RGS20: variants seen among roughly 807,000 people sequenced by gnomAD.
The protein encoded by RGS20 is regulator of G protein signaling 20, also known as gz-selective GTPase-activating protein.
Under a neutral mutation model 33.6 loss-of-function variants are expected in RGS20, and 30 were observed. The ratio of observed to expected loss-of-function variants is 0.89; its 90% confidence interval spans 0.67 to 1.21. The LOEUF (loss-of-function observed/expected upper bound fraction) is 1.21. Among genes scored for constraint, RGS20 ranks in the 50% most tolerant of loss-of-function variants. The pLI is 0.00. For synonymous variants in RGS20, 208 were observed against 197.9 expected (o/e 1.05, Z -0.43); for missense variants, 472 against 502.4 (o/e 0.94, Z 0.58).
intron 2 of RGS20, among the ~76,000 whole-genome samples, chr8:53,902,596 T>A (rs1813060851): frequency 6.6e-6 from 1 of 152,358 alleles, no homozygotes; most frequent in Non-Finnish European, 1.5e-5. Flanking sequence ...TGTGTGGGGA[T>A]GTGCATGCCA....
At chr8:53,958,211 T>A in intron 5 of RGS20, 59 bp from the exon 5 acceptor site, 4 of 1,209,148 alleles carry the variant, frequency 3.3e-6, no homozygotes, top group Non-Finnish European at 3.4e-6. Flanking sequence ...GCTCTAGGAG[T>A]TTGGGATAGA....
chr8:53,935,659 C>T (rs1410816620), intron 2 of RGS20, among the ~76,000 whole-genome samples: 2 of 152,084 alleles, frequency 1.3e-5, no homozygotes, highest in Non-Finnish European at 2.9e-5. Flanking sequence ...AGATTCACAG[C>T]CTAATTCTAC....
At chr8:53,922,188 A>C (rs907894532) in intron 2 of RGS20, among the ~76,000 whole-genome samples, 4 of 152,086 alleles carry the variant, frequency 2.6e-5, no homozygotes, top group Non-Finnish European at 5.9e-5. Context: ...TGGTTCTGTT[A>C]TTGGGTGTAT....
chr8:53,898,980 A>G (rs1812940233), intron 2 of RGS20, among the ~76,000 whole-genome samples: 1 of 152,146 alleles, frequency 6.6e-6, no homozygotes, highest in Admixed American at 6.5e-5. Context: ...CAGGGAAACT[A>G]TTTTCATGGC....
At chr8:53,917,892 T>C (rs958061657) in intron 2 of RGS20, among the ~76,000 whole-genome samples, 1 of 152,204 alleles carries the variant, frequency 6.6e-6, no homozygotes, top group African/African-American at 2.4e-5. Flanking sequence ...CTCCGTTCTC[T>C]CTCCCTGCTC....
intron 2 of RGS20, among the ~76,000 whole-genome samples, chr8:53,923,924 C>T (rs987179209): frequency 6.6e-6 from 1 of 151,902 alleles, no homozygotes; most frequent in Admixed American, 6.6e-5. Context: ...AGCATCGCAA[C>T]TTTTATTTTT....
chr8:53,903,460 C>A (rs1446472130), intron 2 of RGS20, among the ~76,000 whole-genome samples: 1 of 152,180 alleles, frequency 6.6e-6, no homozygotes, highest in African/African-American at 2.4e-5. Context: ...TATAGCTGCA[C>A]CCCAGCCAGC....
At chr8:53,852,182 C>G (rs1256503792) in intron 1 of RGS20, 31 of 1,009,094 alleles carry the variant, frequency 3.1e-5, no homozygotes, top group Non-Finnish European at 4.3e-5. Flanking sequence ...AATGTTTTAT[C>G]AAAAATGTTT....
intron 1 of RGS20, among the ~76,000 whole-genome samples, chr8:53,868,813 G>T (rs1811985668): frequency 6.6e-6 from 1 of 151,890 alleles, no homozygotes; most frequent in Non-Finnish European, 1.5e-5. Context: ...AGTGCAGTGG[G>T]GCGATCTCAA....
intron 1 of RGS20, among the ~76,000 whole-genome samples, chr8:53,874,698 G>A (rs1362175721): frequency 2.6e-5 from 4 of 152,250 alleles, no homozygotes; most frequent in African/African-American, 9.6e-5. Context: ...TCAATCTCTG[G>A]CATTTCTTGG....
intron 2 of RGS20, among the ~76,000 whole-genome samples, chr8:53,934,374 A>G (rs946178573): frequency 6.6e-6 from 1 of 152,232 alleles, no homozygotes; most frequent in Non-Finnish European, 1.5e-5. Context: ...TCTCACGTGC[A>G]GAGACACACA....
In RGS20 at chr8:53,930,638, G is replaced by A. The variant is rs745438174; in HGVS notation, c.511-8938G>A. 7.9e-5 allele frequency among the ~76,000 whole-genome samples: 12 copies of A among 152,092 alleles called. No individual in the cohort carries two copies. In the East Asian group the frequency reaches 1.4e-3, roughly 17 times the overall value. The stretch of plus-strand genomic sequence containing the variant: ...TCAGTTCACTGCAACCTCTGCCTCC[G>A]GGGTTCAAGTGATTCTCCTGCCTCA... On this transcript the variant is annotated intron_variant, in intron 2 of 5. Coordinates refer to ENST00000297313, the MANE Select transcript of RGS20 (RefSeq NM_170587.4).
chr8:53,859,779 T>C (rs78369195), intron 1 of RGS20, among the ~76,000 whole-genome samples: 1 of 152,174 alleles, frequency 6.6e-6, no homozygotes, highest in Non-Finnish European at 1.5e-5. Flanking sequence ...AGCAAAGGCA[T>C]GTCTTACATG....
intron 2 of RGS20, among the ~76,000 whole-genome samples, chr8:53,907,238 T>C (rs1159263916): frequency 6.6e-6 from 1 of 152,114 alleles, no homozygotes; most frequent in African/African-American, 2.4e-5. Flanking sequence ...ACATTTTTTT[T>C]CTGAAGCATT....
intron 1 of RGS20, among the ~76,000 whole-genome samples, chr8:53,863,306 T>C (rs1811849165): frequency 6.6e-6 from 1 of 152,082 alleles, no homozygotes; most frequent in South Asian, 2.1e-4. Context: ...TCAAATTCCT[T>C]CTCCCTGAGT....
intron 2 of RGS20, among the ~76,000 whole-genome samples, chr8:53,930,930 C>T (rs1007110408): frequency 5.3e-5 from 8 of 152,256 alleles, no homozygotes; most frequent in African/African-American, 1.9e-4. Context: ...GTCCTGAGGC[C>T]TCAGTGCCCG....
At position 53,879,607 on chromosome 8, in the gene RGS20, G is replaced by A; in HGVS notation, c.510+5G>A. The A allele has an allele frequency of 6.7e-7, 1 of 1,482,606 alleles. No individual in the cohort carries two copies. The highest frequency in any genetic ancestry group is 8.9e-7 in the Non-Finnish European group (1 of 1,121,774). 91.8% of individuals were successfully genotyped at this position (1,482,606 alleles called of 1,614,324 possible). ...GGGCAGAGCTCGCCTATGCCGGTGA[G>A]TACCGTGGTCTCCACTACGCCCCAC... is the stretch of plus-strand genomic sequence containing the variant. On this transcript the variant is annotated splice_donor_5th_base_variant and intron_variant, in intron 2 of 5. Transcript: ENST00000297313.
chr8:53,852,558 C>G (rs1252051851), intron 1 of RGS20, among the ~76,000 whole-genome samples: 1 of 152,150 alleles, frequency 6.6e-6, no homozygotes, highest in Non-Finnish European at 1.5e-5. Flanking sequence ...ATTTCCTAAG[C>G]ATGAGTTTCT....
intron 2 of RGS20, among the ~76,000 whole-genome samples, chr8:53,927,531 A>G (rs1274364614): frequency 1.3e-5 from 2 of 152,112 alleles, no homozygotes; most frequent in Non-Finnish European, 2.9e-5. Flanking sequence ...AATCCCACAC[A>G]TGTTAGCATA....
Sources: allele counts gnomAD v4.1 joint callset (sites outside exome capture counted in the v4.1 genomes callset), GRCh38; gene constraint gnomAD v4.1.1; transcripts MANE v1.5; gene names NCBI Gene and HGNC (gene_info 2026-07-23, HGNC 2026-07-21).